FAM210A: variants seen among roughly 807,000 people sequenced by gnomAD.
The protein encoded by FAM210A is mitochondrial inner membrane scaffold 1.
In FAM210A, 13 loss-of-function variants were observed where a neutral mutation model predicts 25.3. The observed-to-expected ratio is 0.51, with a 90% CI of 0.33 to 0.82. The LOEUF (loss-of-function observed/expected upper bound fraction) is 0.82, where lower values mean the gene tolerates loss of function less well. FAM210A is among the 40% of genes least tolerant of loss of function. The pLI, the probability that FAM210A is intolerant of heterozygous loss-of-function variation, is 0.02. For missense variants in FAM210A, 319 were observed against 323.2 expected, an observed-to-expected ratio of 0.99 and a Z score of 0.10; for synonymous variants, 125 against 118.7, an observed-to-expected ratio of 1.05 and a Z score of -0.35.
chr18:13,691,091 G>A (rs944120696), intron 1 of FAM210A, among the ~76,000 whole-genome samples: 8 of 152,190 alleles, frequency 5.3e-5, no homozygotes, highest in Non-Finnish European at 1.0e-4. Flanking sequence ...ACCATAGCAC[G>A]AGAACTACGT....
intron 1 of FAM210A, among the ~76,000 whole-genome samples, chr18:13,718,855 C>G (rs1049491829): frequency 2.0e-5 from 3 of 152,112 alleles, no homozygotes; most frequent in Non-Finnish European, 4.4e-5. Context: ...GTGAAAAATA[C>G]TAGTAACCTT....
intron 1 of FAM210A, among the ~76,000 whole-genome samples, chr18:13,708,543 G>A (rs188731823): frequency 1.3e-4 from 20 of 152,288 alleles, no homozygotes; most frequent in African/African-American, 4.6e-4. Context: ...AACCTGTTAC[G>A]GGGATTGTTA....
Position 13,666,576 on chromosome 18 carries a change from C to T in FAM210A, c.723G>A (p.Glu241=). The change falls in exon 4 of 4, where the codon GAG becomes GAA. Residue 241 remains glutamate, a synonymous_variant. Coordinates refer to ENST00000651643, the MANE Select transcript of FAM210A (RefSeq NM_152352.4). ...TTTCTTCCATTTTCTCTGTGATAAGCTCCTTTGTCTCTTCCATCCTGTCCT... is the reference window on the plus strand; with the variant it reads ...TTTCTTCCATTTTCTCTGTGATAAGTTCCTTTGTCTCTTCCATCCTGTCCT... ...YLQDRMEETK[E]LITEKMEETK... 1 of 1,614,144 alleles carries T rather than the reference C, an allele frequency of 6.2e-7. No individual in the cohort carries two copies. The highest frequency in any genetic ancestry group is 8.5e-7 in the Non-Finnish European group (1 of 1,180,036).
chr18:13,723,782 C>T (rs1163371739), intron 1 of FAM210A, among the ~76,000 whole-genome samples: 1 of 152,270 alleles, frequency 6.6e-6, no homozygotes, highest in South Asian at 2.1e-4. Context: ...TATTACTCAA[C>T]AAAATCTTAT....
chr18:13,702,195 T>G (rs1051311605), intron 1 of FAM210A, among the ~76,000 whole-genome samples: 1 of 152,206 alleles, frequency 6.6e-6, no homozygotes, highest in African/African-American at 2.4e-5. Context: ...TTCTTACCAG[T>G]CAGACTTCTA....
intron 1 of FAM210A, among the ~76,000 whole-genome samples, chr18:13,709,944 G>T (rs2043808620): frequency 6.6e-6 from 1 of 152,196 alleles, no homozygotes; most frequent in Non-Finnish European, 1.5e-5. Context: ...TAGCATGGCT[G>T]ACTCCATCTT....
intron 1 of FAM210A, among the ~76,000 whole-genome samples, chr18:13,708,779 CCTT>C (rs2043800119): frequency 6.6e-6 from 1 of 152,216 alleles, no homozygotes; most frequent in South Asian, 2.1e-4. Context: ...GCCTCCATTC[CCTT>C]CTTTTCTCCA....
At chr18:13,711,205 T>C (rs981662268) in intron 1 of FAM210A, among the ~76,000 whole-genome samples, 3 of 152,074 alleles carry the variant, frequency 2.0e-5, no homozygotes. Flanking sequence ...ACCCTGTCTC[T>C]ACTAAAAATA....
chr18:13,717,726 C>A (rs1211328833), intron 1 of FAM210A, among the ~76,000 whole-genome samples: 1 of 152,160 alleles, frequency 6.6e-6, no homozygotes, highest in Non-Finnish European at 1.5e-5. Context: ...AATCAACTTG[C>A]ATGAAAACTG....
chr18:13,687,592 AAC>A (rs1339210302), intron 1 of FAM210A, among the ~76,000 whole-genome samples: 14 of 152,150 alleles, frequency 9.2e-5, no homozygotes, highest in African/African-American at 3.4e-4. Context: ...CAACTTCCTA[AAC>A]ACACTGCTCG....
intron 2 of FAM210A, among the ~76,000 whole-genome samples, chr18:13,678,205 C>A (rs536485135): frequency 6.6e-6 from 1 of 152,082 alleles, no homozygotes; most frequent in Non-Finnish European, 1.5e-5. Context: ...AAACAATGGA[C>A]TGAGACTCCA....
chr18:13,710,691 C>G (rs1044774147), intron 1 of FAM210A, among the ~76,000 whole-genome samples: 3 of 152,126 alleles, frequency 2.0e-5, no homozygotes, highest in Non-Finnish European at 4.4e-5. Context: ...TCCTACTGCC[C>G]CCATCCAGAG....
At chr18:13,674,233 A>G in intron 2 of FAM210A, among the ~76,000 whole-genome samples, 1 of 89,174 alleles carries the variant, frequency 1.1e-5, no homozygotes, top group South Asian at 4.0e-4. Context: ...CCCCGACTTT[A>G]TTTCCAGTTT....
intron 1 of FAM210A, among the ~76,000 whole-genome samples, chr18:13,686,433 C>T (rs1429062356): frequency 6.6e-6 from 1 of 152,194 alleles, no homozygotes; most frequent in Non-Finnish European, 1.5e-5. Flanking sequence ...CGTCTGTAAA[C>T]CAGTGAGAAT....
intron 1 of FAM210A, among the ~76,000 whole-genome samples, chr18:13,686,765 T>C (rs538660435): frequency 6.6e-6 from 1 of 152,226 alleles, no homozygotes; most frequent in African/African-American, 2.4e-5. Context: ...ATTAAAGAAA[T>C]GGAATCAAAA....
intron 1 of FAM210A, among the ~76,000 whole-genome samples, chr18:13,693,872 T>A (rs1226864530): frequency 1.3e-5 from 2 of 152,206 alleles, no homozygotes; most frequent in African/African-American, 4.8e-5. Flanking sequence ...GTGTTGGAAG[T>A]TCTGGCCAGG....
chr18:13,723,986 T>C (rs913889403), intron 1 of FAM210A, among the ~76,000 whole-genome samples: 6 of 152,342 alleles, frequency 3.9e-5, no homozygotes, highest in Non-Finnish European at 4.4e-5. Flanking sequence ...ACATTGTTTC[T>C]ACATTTTTAA....
At chr18:13,706,386 G>T (rs1366374059) in intron 1 of FAM210A, among the ~76,000 whole-genome samples, 1 of 152,046 alleles carries the variant, frequency 6.6e-6, no homozygotes, top group Non-Finnish European at 1.5e-5. Context: ...AACTTATGGG[G>T]TATACTTTTA....
chr18:13,692,329 T>C (rs576101826), intron 1 of FAM210A, among the ~76,000 whole-genome samples: 1 of 152,132 alleles, frequency 6.6e-6, no homozygotes, highest in African/African-American at 2.4e-5. Flanking sequence ...CTGTCAACAT[T>C]AGACAGATCA....
Sources: gnomAD v4.1 joint callset for allele counts (sites outside exome capture counted in the v4.1 genomes callset) on GRCh38, gnomAD v4.1.1 for gene constraint, MANE v1.5 for transcripts, NCBI Gene and HGNC (gene_info 2026-07-23, HGNC 2026-07-21) for gene names.